The following ZNF626 variants were observed in gnomAD, a reference collection of about 807,000 sequenced individuals.
The protein encoded by ZNF626 is zinc finger protein 626, also known as CTC-513N18.7.
Under a neutral mutation model 11.7 loss-of-function variants are expected in ZNF626, and 4 were observed. The observed-to-expected ratio is 0.34, with a 90% confidence interval of 0.17 to 0.78. The LOEUF (loss-of-function observed/expected upper bound fraction) is 0.78, where lower values mean the gene tolerates loss of function less well. ZNF626 is among the 30% of genes least tolerant of loss of function. The pLI, the probability that ZNF626 is intolerant of heterozygous loss-of-function variation, is 0.57. For missense variants in ZNF626, 588 were observed against 587.1 expected, an observed-to-expected ratio of 1.00 and a Z score of -0.01; for synonymous variants, 179 against 198.6, an observed-to-expected ratio of 0.90 and a Z score of 0.83.
intron 3 of ZNF626, among the ~76,000 whole-genome samples, chr19:20,631,092 G>A (rs1555770307): frequency 6.6e-6 from 1 of 152,142 alleles, no homozygotes; most frequent in Non-Finnish European, 1.5e-5. Flanking sequence ...TTTTGAGTGA[G>A]TTTCTTAATC....
At position 20,624,047 on chromosome 19, in the gene ZNF626, G is replaced by C. The variant is rs1555769070; in HGVS notation, c.*243C>G. The C allele has an allele frequency of 1.4e-6, 1 of 724,560 alleles. No individual in the cohort carries two copies. Among genetic ancestry groups the C allele is most frequent in the Non-Finnish European group, 2.5e-6 (1 of 407,186 alleles). 44.9% of individuals were successfully genotyped at this position (724,560 alleles called of 1,614,324 possible). A position where few individuals can be genotyped will look rare whatever the true frequency, so the allele number is the denominator to read the frequency against. On this transcript the variant is annotated 3_prime_UTR_variant, in exon 4 of 4. Coordinates refer to ENST00000601440, the MANE Select transcript of ZNF626 (RefSeq NM_001076675.3). ...TTCTCTCCAGTATGAATTATCTTAT[G>C]TGCAGTAAGGTGTGAGGATAGGTGA...
At chr19:20,639,178 A>C (rs1969997063) in intron 3 of ZNF626, among the ~76,000 whole-genome samples, 1 of 152,150 alleles carries the variant, frequency 6.6e-6, no homozygotes, top group Non-Finnish European at 1.5e-5. Flanking sequence ...ATAGAGCATA[A>C]ACTTTTTGGT....
chr19:20,654,415 C>G (rs2144793186), intron 1 of ZNF626, among the ~76,000 whole-genome samples: 1 of 146,576 alleles, frequency 6.8e-6, no homozygotes, highest in South Asian at 2.2e-4. Flanking sequence ...TGCACTCCAG[C>G]CTGGGCAACA....
chr19:20,638,622 T>C (rs1969991248), intron 3 of ZNF626, among the ~76,000 whole-genome samples: 1 of 151,916 alleles, frequency 6.6e-6, no homozygotes, highest in South Asian at 2.1e-4. Flanking sequence ...AGTGGGGTAG[T>C]CATAATTAGA....
Position 20,645,666 on chromosome 19 carries a change from A to G in ZNF626, c.226+18T>C, listed in dbSNP as rs782645988. ...CTTATCTGTGTCATCTGTTGTATTC[A>G]TTTTCACTCACACCTACCTGAGGGT... is the stretch of plus-strand genomic sequence containing the variant. On this transcript the variant is annotated intron_variant, in intron 3 of 3. Coordinates refer to ENST00000601440, the MANE Select transcript of ZNF626 (RefSeq NM_001076675.3). 3 of 1,603,436 alleles carry G rather than the reference A, an allele frequency of 1.9e-6. No homozygotes were observed. Among genetic ancestry groups the G allele is most frequent in the South Asian group, 2.2e-5 (2 of 88,962 alleles).
Position 20,623,696 on chromosome 19 carries a change from G to A in ZNF626, c.*594C>T. 5.0e-6 allele frequency: 1 copy of A among 199,594 alleles called. No individual in the cohort carries two copies. 12.4% of individuals were successfully genotyped at this position (199,594 alleles called of 1,614,324 possible). On this transcript the variant is annotated 3_prime_UTR_variant, in exon 4 of 4. Transcript: ENST00000601440. ...CACCTGTAATCCCCCTTACTTGGGA[G>A]GTTGAGGCAGGAGAATGGATTGAAC... is the stretch of plus-strand genomic sequence containing the variant.
At chr19:20,626,265 A>G (rs1969831155) in intron 3 of ZNF626, among the ~76,000 whole-genome samples, 1 of 152,202 alleles carries the variant, frequency 6.6e-6, no homozygotes, top group Non-Finnish European at 1.5e-5. Context: ...GCCAGGACAC[A>G]GCTACATTAT....
intron 1 of ZNF626, among the ~76,000 whole-genome samples, chr19:20,653,229 C>A (rs1555772748): frequency 6.6e-6 from 1 of 151,980 alleles, no homozygotes; most frequent in African/African-American, 2.4e-5. Context: ...TGTTTGGAAA[C>A]AATAATTAAA....
At chr19:20,648,175 C>CAA (rs34417157) in intron 1 of ZNF626, among the ~76,000 whole-genome samples, 8,801 of 103,930 alleles carry the variant, frequency 0.085, 874 homozygotes, top group African/African-American at 0.25. Context: ...GACTCCGTGT[C>CAA]AAAAAAAAAA....
At chr19:20,654,808 T>C (rs1017097202) in intron 1 of ZNF626, among the ~76,000 whole-genome samples, 1 of 152,004 alleles carries the variant, frequency 6.6e-6, no homozygotes, top group South Asian at 2.1e-4. Flanking sequence ...TATTGTGGCT[T>C]TGTATTCATA....
Position 20,621,639 on chromosome 19 carries a change from T to C in ZNF626, c.*2651A>G, listed in dbSNP as rs150164481. Reference sequence around the variant, plus strand: ...ATCAAAATATTCTCTATAAGACATATATACACATACTATATACTCACAGAT... The same window carrying C: ...ATCAAAATATTCTCTATAAGACATACATACACATACTATATACTCACAGAT... On this transcript the variant is annotated 3_prime_UTR_variant, in exon 4 of 4. Coordinates refer to ENST00000601440, the MANE Select transcript of ZNF626 (RefSeq NM_001076675.3). 1 of 152,170 alleles carries C rather than the reference T, an allele frequency of 6.6e-6. No individual in the cohort carries two copies. The highest frequency in any genetic ancestry group is 6.6e-5 in the Admixed American group (1 of 15,264). 9.4% of individuals were successfully genotyped at this position (152,170 alleles called of 1,614,324 possible). A position where few individuals can be genotyped will look rare whatever the true frequency, so the allele number is the denominator to read the frequency against.
rs1174985249 is a variant in ZNF626, at chr19:20,625,538, T to A, written c.339A>T (p.Leu113Phe). ...CATCCACACTTATACATCCTTTTTT[T>A]AACTGTAAATTGTCATGTTCACATT... The part of the protein sequence containing the change: ...YEKCEHDNLQ[L>F]KKGCISVDEC... Residue 113 changes from leucine to phenylalanine, a missense_variant, in exon 4 of 4, where the codon TTA (leucine) becomes TTT (phenylalanine). Around this residue, in one of 4 missense-constraint regions of ZNF626, gnomAD observed 524 missense variants for 470.1 expected, o/e 1.11. Transcript: ENST00000601440. The A allele has an allele frequency of 1.2e-6, 2 of 1,613,522 alleles. No homozygotes were observed. Among genetic ancestry groups the A allele is most frequent in the Middle Eastern group, 1.7e-4 (1 of 6,054 alleles).
At position 20,641,003 on chromosome 19, in the gene ZNF626, G is replaced by A. The variant is rs118080751; in HGVS notation, c.226+4681C>T. Among the ~76,000 whole-genome samples the A allele has an allele frequency of 1.2e-3, 185 of 152,098 alleles. 4 individuals are homozygous for A. In the East Asian group the frequency reaches 0.034, roughly 28 times the overall value. On this transcript the variant is annotated intron_variant, in intron 3 of 3. Transcript: ENST00000601440. Reference sequence around the variant, plus strand: ...TACAAAAAACTAGCTGGGCATGGTCGTGGGCGCCTAAAATCCCAGTTACTT... The same window carrying A: ...TACAAAAAACTAGCTGGGCATGGTCATGGGCGCCTAAAATCCCAGTTACTT...
intron 1 of ZNF626, among the ~76,000 whole-genome samples, chr19:20,654,294 T>G (rs1324117118): frequency 2.6e-5 from 4 of 151,826 alleles, no homozygotes; most frequent in African/African-American, 9.7e-5. Flanking sequence ...TATAAAAAAA[T>G]TAGCCGGACC....
intron 1 of ZNF626, among the ~76,000 whole-genome samples, chr19:20,659,158 T>C (rs985227436): frequency 3.9e-5 from 6 of 152,214 alleles, no homozygotes; most frequent in Non-Finnish European, 8.8e-5. Context: ...TTTTCTTACC[T>C]ATCACACAGC....
In ZNF626 at chr19:20,623,071, AC is replaced by A. The variant is rs1356048863; in HGVS notation, c.*1218del. The A allele has an allele frequency of 6.6e-6, 1 of 152,078 alleles. No individual in the cohort carries two copies. Among genetic ancestry groups the A allele is most frequent in the Non-Finnish European group, 1.5e-5 (1 of 68,030 alleles). The allele number at this position is 152,078 out of a possible 1,614,324, so 9.4% of individuals were successfully genotyped here. ...TGTAATGGTTGTCTTCAGAATAAAT[AC>A]TCTTCTTCACTTTAAAGGCTTATAT... On this transcript the variant is annotated 3_prime_UTR_variant, in exon 4 of 4. Transcript: ENST00000601440.
At chr19:20,640,512 A>C (rs1970012533) in intron 3 of ZNF626, among the ~76,000 whole-genome samples, 1 of 151,442 alleles carries the variant, frequency 6.6e-6, no homozygotes, top group South Asian at 2.1e-4. Flanking sequence ...AGAAATTAAT[A>C]TTCAAAATAT....
At chr19:20,648,099 C>G (rs1970103108) in intron 1 of ZNF626, among the ~76,000 whole-genome samples, 1 of 149,708 alleles carries the variant, frequency 6.7e-6, no homozygotes, top group African/African-American at 2.5e-5. Context: ...TTGCTTGAAC[C>G]TGGGAGGTGA....
rs1167867286 is a variant in ZNF626 at position 20,620,823 on chromosome 19, C to T, written c.*3467G>A. ...AATTGCTGGGATAATAGGCATGAGGCACTGCACATGGCCGTATTTTTTCTT... is the reference window on the plus strand; with the variant it reads ...AATTGCTGGGATAATAGGCATGAGGTACTGCACATGGCCGTATTTTTTCTT... On this transcript the variant is annotated 3_prime_UTR_variant, in exon 4 of 4. Coordinates refer to ENST00000601440, the MANE Select transcript of ZNF626 (RefSeq NM_001076675.3). 6.7e-6 allele frequency: 1 copy of T among 149,904 alleles called. No individual in the cohort carries two copies. Among genetic ancestry groups the T allele is most frequent in the Non-Finnish European group, 1.5e-5 (1 of 67,874 alleles). 9.3% of individuals were successfully genotyped at this position (149,904 alleles called of 1,614,324 possible). A position where few individuals can be genotyped will look rare whatever the true frequency, so the allele number is the denominator to read the frequency against.
Sources: allele counts gnomAD v4.1 joint callset (sites outside exome capture counted in the v4.1 genomes callset), GRCh38; gene constraint gnomAD v4.1.1; regional missense constraint gnomAD v4.1.1; transcripts MANE v1.5; gene names NCBI Gene and HGNC (gene_info 2026-07-23, HGNC 2026-07-21).